Variants in CBL observed in about 807,000 individuals in gnomAD.
CBL encodes the protein E3 ubiquitin-protein ligase CBL.
In CBL, 45 loss-of-function variants were observed where a neutral mutation model predicts 96.9. The ratio of observed to expected loss-of-function variants is 0.46; its 90% CI spans 0.37 to 0.60. The LOEUF (loss-of-function observed/expected upper bound fraction) is 0.60. Ranked by LOEUF, CBL falls within the 20% of genes least tolerant of loss-of-function variation. The pLI is 0.00. For missense variants in CBL, 1,024 were observed against 1,143.5 expected (o/e 0.90, Z 1.51); for synonymous variants, 420 against 426.8 (o/e 0.98, Z 0.20).
Position 119,273,920 on chromosome 11 carries a change from A to G in CBL, c.643A>G (p.Ile215Val), listed in dbSNP as rs760192666. ...ACAGGCTCTACATGAAGTGCATCCC[A>G]TCAGTTCTGGGCTGGAGGCCATGGC... Reference protein sequence around the residue: ...FRQALHEVHPISSGLEAMALK... With the variant: ...FRQALHEVHPVSSGLEAMALK... Residue 215 changes from isoleucine (I) to valine (V), a missense_variant, in exon 4 of 16, where the codon ATC (isoleucine) becomes GTC (valine). Ile to Val is a conservative substitution (Grantham distance 29, BLOSUM62 3). This residue lies in a region of CBL where 192 missense variants were observed against 321.8 expected (regional missense o/e 0.60). Coordinates refer to ENST00000264033, the MANE Select transcript of CBL (RefSeq NM_005188.4). 94 of 1,613,886 alleles carry G rather than the reference A, an allele frequency of 5.8e-5. No individual in the cohort carries two copies. The highest frequency in any genetic ancestry group is 7.2e-5 in the Non-Finnish European group (85 of 1,179,892).
At chr11:119,218,836 G>A (rs761585996) in intron 1 of CBL, among the ~76,000 whole-genome samples, 1 of 152,172 alleles carries the variant, frequency 6.6e-6, no homozygotes, top group African/African-American at 2.4e-5. Flanking sequence ...TTCTTTAAGT[G>A]AACAGGTGAA....
intron 1 of CBL, among the ~76,000 whole-genome samples, chr11:119,225,046 T>TGGG (rs200223100): frequency 6.6e-6 from 1 of 151,052 alleles, no homozygotes; most frequent in Non-Finnish European, 1.5e-5. Context: ...CTAAACTCTT[T>TGGG]GGGGTGTGTG....
intron 1 of CBL, among the ~76,000 whole-genome samples, chr11:119,225,185 C>T (rs1376402100): frequency 6.6e-6 from 1 of 151,968 alleles, no homozygotes; most frequent in Non-Finnish European, 1.5e-5. Context: ...CAACCTCCAC[C>T]TCCCGGGTTC....
rs761383810 is a variant in CBL at position 119,299,628 on chromosome 11, G to A, written c.2568G>A (p.Gln856=). Residue 856 remains glutamine, a synonymous_variant, in exon 16 of 16, where the codon CAG becomes CAA. Transcript: ENST00000264033. ...PAASAATASP[Q]LSSEIENLMS... is the part of the protein sequence containing the mutation. ...CCTCTGCTGCCACCGCCTCACCTCAGCTCTCCAGTGAGATCGAGAACCTCA... is the reference window on the plus strand; with the variant it reads ...CCTCTGCTGCCACCGCCTCACCTCAACTCTCCAGTGAGATCGAGAACCTCA... 6.2e-7 allele frequency: 1 copy of A among 1,614,156 alleles called. No homozygotes were observed. Among genetic ancestry groups the A allele is most frequent in the South Asian group, 1.1e-5 (1 of 91,078 alleles).
chr11:119,237,081 A>G (rs1949552234), intron 2 of CBL, among the ~76,000 whole-genome samples: 5 of 152,206 alleles, frequency 3.3e-5, no homozygotes, highest in South Asian at 2.1e-4. Flanking sequence ...TCCATGCTGT[A>G]TACACTAGCA....
chr11:119,290,568 C>T (rs1239802767), intron 12 of CBL, among the ~76,000 whole-genome samples: 1 of 145,966 alleles, frequency 6.9e-6, no homozygotes, highest in East Asian at 2.3e-4. Context: ...TGCAGTGAGC[C>T]GAGATCTTGC....
Position 119,299,786 on chromosome 11 carries a change from C to G in CBL, c.*5C>G, listed in dbSNP as rs562886342. The G allele has an allele frequency of 5.4e-5, 87 of 1,613,764 alleles. 1 individual carries two copies. The South Asian group carries it at 9.2e-4, about 17-fold the overall frequency. On this transcript the variant is annotated 3_prime_UTR_variant, in exon 16 of 16. Coordinates refer to ENST00000264033, the MANE Select transcript of CBL (RefSeq NM_005188.4). The stretch of plus-strand genomic sequence containing the variant: ...CCTGCCCATGTAGCTACCTAGCACA[C>G]CATCTCCCTGCTGCAGGTTTAGAGG...
intron 1 of CBL, among the ~76,000 whole-genome samples, chr11:119,211,384 C>A (rs1254190594): frequency 2.0e-5 from 3 of 151,924 alleles, no homozygotes; most frequent in African/African-American, 2.4e-5. Context: ...AAAACAACAA[C>A]AAAAAATCTT....
chr11:119,221,042 C>T (rs548698656), intron 1 of CBL, among the ~76,000 whole-genome samples: 74 of 151,344 alleles, frequency 4.9e-4, no homozygotes, highest in Non-Finnish European at 9.4e-4. Context: ...GCCAGGAGTT[C>T]GAGACCAGCT....
At chr11:119,257,957 T>C (rs1022447569) in intron 2 of CBL, among the ~76,000 whole-genome samples, 6 of 152,318 alleles carry the variant, frequency 3.9e-5, no homozygotes, top group Admixed American at 2.6e-4. Flanking sequence ...CCGGGTGCTG[T>C]GGCTCATGCC....
At chr11:119,270,682 G>A (rs1005259273) in intron 2 of CBL, among the ~76,000 whole-genome samples, 15 of 151,196 alleles carry the variant, frequency 9.9e-5, no homozygotes, top group African/African-American at 3.6e-4. Context: ...TCCTGACCTC[G>A]TGATCCGCCC....
At position 119,306,093 on chromosome 11, in the gene CBL, G is replaced by A. The variant is rs543108046; in HGVS notation, c.*6312G>A. 2 of 393,484 alleles carry A rather than the reference G, an allele frequency of 5.1e-6. No individual in the cohort carries two copies. The highest frequency in any genetic ancestry group is 3.6e-5 in the East Asian group (1 of 27,832). 24.4% of individuals were successfully genotyped at this position (393,484 alleles called of 1,614,324 possible). ...TACCAGTATTTCTTGGTTCTGGAAAGTAGCAAAAGAGTAGGAGATGGGGAA... is the reference window on the plus strand; with the variant it reads ...TACCAGTATTTCTTGGTTCTGGAAAATAGCAAAAGAGTAGGAGATGGGGAA... On this transcript the variant is annotated 3_prime_UTR_variant, in exon 16 of 16. Coordinates refer to ENST00000264033, the MANE Select transcript of CBL (RefSeq NM_005188.4).
chr11:119,232,539 G>A lies in CBL; in HGVS notation c.287G>A (p.Arg96His), dbSNP rs781738309. The change falls in exon 2 of 16, where the codon CGT becomes CAT. Residue 96 changes from arginine to histidine, a missense_variant. By Grantham distance (29) the Arg-to-His change is conservative. This residue lies in a region of CBL where 192 missense variants were observed against 321.8 expected (regional missense o/e 0.60). Transcript: ENST00000264033. ...DLLPDTYQHL[R>H]TILSRYEGKM... ...CTACCAGATACCTACCAGCATCTCC[G>A]TACTATCTTGTCAAGATATGAGGGG... The A allele has an allele frequency of 9.3e-6, 15 of 1,613,804 alleles. No individual in the cohort carries two copies. Among genetic ancestry groups the A allele is most frequent in the East Asian group, 2.2e-5 (1 of 44,892 alleles).
chr11:119,278,709 C>T lies in CBL; in HGVS notation c.1427C>T (p.Ala476Val). 1 of 1,613,752 alleles carries T rather than the reference C, an allele frequency of 6.2e-7. No homozygotes were observed. Among genetic ancestry groups the T allele is most frequent in the Non-Finnish European group, 8.5e-7 (1 of 1,179,810 alleles). ...TLFMMKELAG[A>V]KVERPPSPFS... Reference sequence around the variant, plus strand: ...TTCATGATGAAGGAATTGGCTGGTGCCAAGGTAAGATGGCAGTTTAGGAGA... The same window carrying T: ...TTCATGATGAAGGAATTGGCTGGTGTCAAGGTAAGATGGCAGTTTAGGAGA... The change falls in exon 9 of 16, where the codon GCC (alanine) becomes GTC (valine). Residue 476 changes from alanine to valine, a missense_variant. Ala to Val is a moderately conservative substitution (Grantham distance 64). Transcript: ENST00000264033.
intron 2 of CBL, among the ~76,000 whole-genome samples, chr11:119,248,028 G>A (rs1398168487): frequency 1.3e-5 from 2 of 152,276 alleles, no homozygotes; most frequent in Admixed American, 1.3e-4. Flanking sequence ...TTATAACTTA[G>A]AATTGTTAAG....
intron 2 of CBL, among the ~76,000 whole-genome samples, chr11:119,236,592 TGA>T (rs1949547929): frequency 9.6e-6 from 1 of 104,694 alleles, no homozygotes; most frequent in African/African-American, 4.2e-5. Flanking sequence ...TCACTTCTTT[TGA>T]GTATATATAT....
At chr11:119,219,085 A>G (rs1453783147) in intron 1 of CBL, among the ~76,000 whole-genome samples, 2 of 152,084 alleles carry the variant, frequency 1.3e-5, no homozygotes, top group African/African-American at 2.4e-5. Flanking sequence ...GCAAAAAGAA[A>G]TTTATACTAG....
rs2135300477 is a variant in CBL at position 119,274,834 on chromosome 11, C to G, written c.750C>G (p.Pro250=). Residue 250 remains proline (P), a splice_region_variant and synonymous_variant, in exon 5 of 16, where the codon CCC becomes CCG. Coordinates refer to ENST00000264033, the MANE Select transcript of CBL (RefSeq NM_005188.4). ...TGTGATTGATCTTGTTTCTTTAGCC[C>G]TGGTCCTCTTTGCTCAGGAATTGGA... ...EFDIFTRLFQ[P]WSSLLRNWNS... 1 of 1,613,660 alleles carries G rather than the reference C, an allele frequency of 6.2e-7. No individual in the cohort carries two copies.
intron 2 of CBL, among the ~76,000 whole-genome samples, chr11:119,249,563 A>T (rs2135278785): frequency 6.6e-6 from 1 of 151,930 alleles, no homozygotes; most frequent in Admixed American, 6.6e-5. Flanking sequence ...AAAAAAAAAA[A>T]AAAATGCTGT....
Sources: gnomAD v4.1 joint callset for allele counts (sites outside exome capture counted in the v4.1 genomes callset) on GRCh38, gnomAD v4.1.1 for gene constraint, gnomAD v4.1.1 regional missense constraint, MANE v1.5 for transcripts, NCBI Gene and HGNC (gene_info 2026-07-23, HGNC 2026-07-21) for gene names.